The following SAMD4A variants were observed in gnomAD, a reference collection of about 807,000 sequenced individuals.
SAMD4A encodes the protein protein Smaug homolog 1.
Under a neutral mutation model 81.3 loss-of-function variants are expected in SAMD4A, and 33 were observed. The observed-to-expected ratio is 0.41, with a 90% CI of 0.31 to 0.54. The LOEUF (loss-of-function observed/expected upper bound fraction) is 0.54. SAMD4A is among the 20% of genes least tolerant of loss of function. The probability of loss-of-function intolerance (pLI) is 0.37; values close to 1 mark genes in which losing one functional copy is unlikely to be tolerated. For missense variants in SAMD4A, 854 were observed against 951.1 expected, an observed-to-expected ratio of 0.90 and a Z score of 1.34; for synonymous variants, 389 against 382.1, an observed-to-expected ratio of 1.02 and a Z score of -0.21.
At chr14:54,636,314 G>A (rs61389020) in intron 2 of SAMD4A, among the ~76,000 whole-genome samples, 6,696 of 152,266 alleles carry the variant, frequency 0.044, 203 homozygotes, top group East Asian at 0.11. Context: ...TGATCAAGAG[G>A]AAGGGTGGTG....
intron 4 of SAMD4A, 102 bp downstream of exon 4, chr14:54,737,389 C>A (rs1006271846): frequency 2.2e-6 from 3 of 1,372,702 alleles, no homozygotes; most frequent in Non-Finnish European, 3.0e-6. Flanking sequence ...AAGGAGCCCA[C>A]CCCTTCCCCA....
At chr14:54,604,659 A>G (rs2358879) in intron 2 of SAMD4A, among the ~76,000 whole-genome samples, 6,266 of 152,312 alleles carry the variant, frequency 0.041, 170 homozygotes, top group East Asian at 0.15. Flanking sequence ...TCCTAAATGA[A>G]AAAAGGGCTC....
intron 9 of SAMD4A, among the ~76,000 whole-genome samples, chr14:54,774,107 T>C (rs2139929465): frequency 6.6e-6 from 1 of 152,310 alleles, no homozygotes; most frequent in South Asian, 2.1e-4. Context: ...TGCAGCAGCA[T>C]GGGTTGGAGA....
chr14:54,756,034 T>A (rs746426769), intron 6 of SAMD4A, among the ~76,000 whole-genome samples: 7 of 152,184 alleles, frequency 4.6e-5, no homozygotes, highest in Non-Finnish European at 1.0e-4. Flanking sequence ...ATCCAGATCT[T>A]GTCCTCTTGG....
At chr14:54,568,690 CATATAT>C (rs59190435) in intron 2 of SAMD4A, among the ~76,000 whole-genome samples, 2,564 of 31,440 alleles carry the variant, frequency 0.082, 149 homozygotes, top group Admixed American at 0.1. Context: ...ACATTTGCAG[CATATAT>C]ATATATATAT....
At chr14:54,745,137 A>G (rs1231691000) in intron 4 of SAMD4A, among the ~76,000 whole-genome samples, 1 of 152,136 alleles carries the variant, frequency 6.6e-6, no homozygotes, top group Non-Finnish European at 1.5e-5. Flanking sequence ...CACTGTCACC[A>G]TCCGCCAGGC....
intron 11 of SAMD4A, among the ~76,000 whole-genome samples, chr14:54,776,939 C>G (rs965714954): frequency 6.6e-6 from 1 of 152,082 alleles, no homozygotes; most frequent in Non-Finnish European, 1.5e-5. Context: ...CTGAGACCTT[C>G]CCCCTGGTTT....
At chr14:54,734,620 C>T (rs909523138) in intron 3 of SAMD4A, among the ~76,000 whole-genome samples, 3 of 152,164 alleles carry the variant, frequency 2.0e-5, no homozygotes, top group Non-Finnish European at 4.4e-5. Flanking sequence ...CATTTAGCTC[C>T]AATCTCAATA....
intron 2 of SAMD4A, chr14:54,694,653 G>T: frequency 1.0e-6 from 1 of 985,506 alleles, no homozygotes; most frequent in Non-Finnish European, 1.2e-6. Flanking sequence ...GAGGCAGGTG[G>T]CTGGGGGAGC....
chr14:54,722,369 C>T (rs1198648839), intron 3 of SAMD4A, among the ~76,000 whole-genome samples: 2 of 152,170 alleles, frequency 1.3e-5, no homozygotes, highest in Admixed American at 6.5e-5. Context: ...TGATGTCCTA[C>T]TTCCTGCTGT....
At chr14:54,573,676 A>G (rs552869018) in intron 2 of SAMD4A, among the ~76,000 whole-genome samples, 34 of 152,174 alleles carry the variant, frequency 2.2e-4, no homozygotes, top group Admixed American at 1.4e-3. Flanking sequence ...CCAAGGCCTC[A>G]CTGAGCTCAT....
At chr14:54,777,658 G>C (rs986823802) in intron 11 of SAMD4A, among the ~76,000 whole-genome samples, 1 of 151,982 alleles carries the variant, frequency 6.6e-6, no homozygotes, top group Non-Finnish European at 1.5e-5. Context: ...AGGCAGGAGG[G>C]TGCAGGATGA....
intron 11 of SAMD4A, among the ~76,000 whole-genome samples, chr14:54,783,282 C>T (rs888498546): frequency 3.9e-5 from 6 of 152,046 alleles, no homozygotes; most frequent in South Asian, 4.2e-4. Flanking sequence ...CAGGGCTGGG[C>T]GCTGTGGGAG....
At chr14:54,683,945 A>G (rs1307688932) in intron 2 of SAMD4A, among the ~76,000 whole-genome samples, 2 of 152,194 alleles carry the variant, frequency 1.3e-5, no homozygotes, top group African/African-American at 2.4e-5. Flanking sequence ...TTGCCATAGA[A>G]AAGAGTTTTC....
chr14:54,783,170 A>G (rs200807102), intron 11 of SAMD4A, among the ~76,000 whole-genome samples: 2 of 151,016 alleles, frequency 1.3e-5, no homozygotes, highest in Non-Finnish European at 3.0e-5. Flanking sequence ...AAAAAAAAAA[A>G]AAAACAAAAA....
At chr14:54,626,064 GCGCGCGCGCGCGAGTGCGCA>G (rs1566554493) in intron 2 of SAMD4A, among the ~76,000 whole-genome samples, 2 of 92,858 alleles carry the variant, frequency 2.2e-5, no homozygotes, top group South Asian at 2.8e-4. Flanking sequence ...GTGTGTGCGC[GCGCGCGCGCGCGAGTGCGCA>G]CATGTGCATG....
At position 54,757,425 on chromosome 14, in the gene SAMD4A, G is replaced by GTGTGTGTGTGTGTGTGTTT. The variant is rs146340671; in HGVS notation, c.1177-2733_1177-2732insGTGTGTGTGTGTGTTTTGT. Among the ~76,000 whole-genome samples, 6 of 136,124 alleles carry GTGTGTGTGTGTGTGTGTTT rather than the reference G, an allele frequency of 4.4e-5. No individual in the cohort carries two copies. The East Asian group carries it at 6.6e-4, about 15-fold the overall frequency. The allele number at this position is 136,124 out of a possible 152,430, so 89.3% of individuals were successfully genotyped here. A position where few individuals can be genotyped will look rare whatever the true frequency, so the allele number is the denominator to read the frequency against. On this transcript the variant is annotated intron_variant, in intron 6 of 12. Coordinates refer to ENST00000554335, the MANE Select transcript of SAMD4A (RefSeq NM_015589.6). ...TGTGTGTGTGTGTGTGTGTGTGTGT[G>GTGTGTGTGTGTGTGTGTTT]TGTTTTGTTTTGTTTTGTTTGGTGT...
intron 2 of SAMD4A, among the ~76,000 whole-genome samples, chr14:54,697,883 C>T (rs918654444): frequency 3.9e-5 from 6 of 152,170 alleles, no homozygotes; most frequent in African/African-American, 9.7e-5. Flanking sequence ...GGTATTGGCA[C>T]GAGGCCTCGG....
At chr14:54,687,973 C>G in intron 2 of SAMD4A, 2 of 985,968 alleles carry the variant, frequency 2.0e-6, no homozygotes, top group South Asian at 9.4e-5. Flanking sequence ...GCCAGACACT[C>G]AATAATGATG....
Sources: gnomAD v4.1 joint callset for allele counts (sites outside exome capture counted in the v4.1 genomes callset) on GRCh38, gnomAD v4.1.1 for gene constraint, MANE v1.5 for transcripts, NCBI Gene and HGNC (gene_info 2026-07-23, HGNC 2026-07-21) for gene names.